Variants in SPATA17 observed in about 807,000 individuals in gnomAD.
SPATA17 encodes the protein spermatogenesis associated 17.
SPATA17 carries 53 observed loss-of-function variants against 62.2 expected under a neutral mutation model. The ratio of observed to expected loss-of-function variants is 0.85; its 90% CI spans 0.68 to 1.07. The LOEUF (loss-of-function observed/expected upper bound fraction) is 1.07. Among genes scored for constraint, SPATA17 ranks in the 50% least tolerant of loss-of-function variants. SPATA17 has a pLI of 0.00. For synonymous variants in SPATA17, 146 were observed against 146.8 expected (o/e 0.99, Z 0.04); for missense variants, 466 against 425.5 (o/e 1.10, Z -0.84).
At chr1:217,856,600 T>A (rs1242019710) in intron 9 of SPATA17, among the ~76,000 whole-genome samples, 1 of 152,190 alleles carries the variant, frequency 6.6e-6, no homozygotes, top group East Asian at 1.9e-4. Context: ...TCAGCTAAAA[T>A]TTTTTTCTCT....
chr1:217,753,745 C>G (rs1328957462), intron 6 of SPATA17, among the ~76,000 whole-genome samples: 1 of 151,804 alleles, frequency 6.6e-6, no homozygotes, highest in Non-Finnish European at 1.5e-5. Flanking sequence ...CAAATACAGT[C>G]TTAATAAAAC....
intron 5 of SPATA17, among the ~76,000 whole-genome samples, chr1:217,719,997 A>C (rs1445519149): frequency 1.3e-5 from 2 of 152,224 alleles, no homozygotes; most frequent in East Asian, 3.8e-4. Context: ...GAGTATGAGC[A>C]AAACTCACTA....
At chr1:217,825,637 G>A (rs949962483) in intron 9 of SPATA17, among the ~76,000 whole-genome samples, 1 of 151,738 alleles carries the variant, frequency 6.6e-6, no homozygotes, top group Non-Finnish European at 1.5e-5. Flanking sequence ...CCTGGTGTAT[G>A]TATGAAAGAA....
chr1:217,763,409 C>A (rs1046909453), intron 6 of SPATA17, among the ~76,000 whole-genome samples: 13 of 148,268 alleles, frequency 8.8e-5, no homozygotes, highest in African/African-American at 3.3e-4. Context: ...AAAAAAAAAA[C>A]ATTTTTGGTG....
intron 1 of SPATA17, among the ~76,000 whole-genome samples, chr1:217,635,405 A>G (rs1194856927): frequency 1.3e-5 from 2 of 152,112 alleles, no homozygotes; most frequent in African/African-American, 4.8e-5. Flanking sequence ...GGTCTTAGGT[A>G]GATTTAAAAA....
intron 5 of SPATA17, among the ~76,000 whole-genome samples, chr1:217,697,186 G>A (rs1671478943): frequency 2.0e-5 from 3 of 152,118 alleles, no homozygotes; most frequent in Admixed American, 6.6e-5. Flanking sequence ...TGTATTTTTA[G>A]TAGAGGCTGG....
chr1:217,852,607 A>T (rs76704247), intron 9 of SPATA17, among the ~76,000 whole-genome samples: 2,660 of 152,296 alleles, frequency 0.017, 77 homozygotes, highest in African/African-American at 0.06. Context: ...TCATTGCTTG[A>T]TGCTGTGGCC....
At chr1:217,841,123 CATG>C (rs1343609614) in intron 9 of SPATA17, among the ~76,000 whole-genome samples, 2 of 151,500 alleles carry the variant, frequency 1.3e-5, no homozygotes, top group African/African-American at 4.8e-5. Flanking sequence ...TTCACTTAAC[CATG>C]ATATTTACCA....
chr1:217,868,817 C>G lies in SPATA17; in HGVS notation c.*1798C>G, dbSNP rs975931742. Reference sequence around the variant, plus strand: ...ATCTCAGCCTCCCAAGTAGCTGGGACCACAGGCATGGGCCAACAAGCCTGG... The same window carrying G: ...ATCTCAGCCTCCCAAGTAGCTGGGAGCACAGGCATGGGCCAACAAGCCTGG... On this transcript the variant is annotated 3_prime_UTR_variant, in exon 11 of 11. Coordinates refer to ENST00000366933, the MANE Select transcript of SPATA17 (RefSeq NM_138796.4). The G allele has an allele frequency of 2.0e-5, 3 of 151,968 alleles. No individual in the cohort carries two copies. Among genetic ancestry groups the G allele is most frequent in the African/African-American group, 7.3e-5 (3 of 41,368 alleles). The allele number at this position is 151,968 out of a possible 1,614,324, so 9.4% of individuals were successfully genotyped here.
At chr1:217,643,791 C>T (rs12062364) in intron 1 of SPATA17, among the ~76,000 whole-genome samples, 7,773 of 151,512 alleles carry the variant, frequency 0.051, 659 homozygotes, top group African/African-American at 0.18. Context: ...TGCAATGGCA[C>T]GACCTCAGCT....
chr1:217,810,636 G>A, intron 9 of SPATA17, among the ~76,000 whole-genome samples: 1 of 151,804 alleles, frequency 6.6e-6, no homozygotes, highest in East Asian at 1.9e-4. Flanking sequence ...AAGAAAGAAA[G>A]AGGTACCTGA....
chr1:217,694,621 C>T lies in SPATA17; in HGVS notation c.395+11260C>T, dbSNP rs1238234176. Reference sequence around the variant, plus strand: ...TTTACATTTTGGCATGATTTTGCAGCGGCTGGTACCGGTTGTTCCTTTCCA... The same window carrying T: ...TTTACATTTTGGCATGATTTTGCAGTGGCTGGTACCGGTTGTTCCTTTCCA... On this transcript the variant is annotated intron_variant, in intron 5 of 10. Transcript: ENST00000366933. Among the ~76,000 whole-genome samples the T allele has an allele frequency of 3.6e-4, 53 of 148,144 alleles. No individual in the cohort carries two copies. In the East Asian group the frequency reaches 7.1e-3, roughly 20 times the overall value.
intron 9 of SPATA17, among the ~76,000 whole-genome samples, chr1:217,823,295 C>T (rs1004272293): frequency 6.6e-6 from 1 of 151,862 alleles, no homozygotes; most frequent in African/African-American, 2.4e-5. Context: ...TCTTTCCTGC[C>T]CTTTACTCAG....
intron 5 of SPATA17, among the ~76,000 whole-genome samples, chr1:217,684,053 C>A (rs564332815): frequency 6.6e-6 from 1 of 152,144 alleles, no homozygotes; most frequent in African/African-American, 2.4e-5. Context: ...GAACTTGCCT[C>A]TCCTAGAATA....
At chr1:217,822,634 CTATA>C (rs35656898) in intron 9 of SPATA17, among the ~76,000 whole-genome samples, 1 of 146,578 alleles carries the variant, frequency 6.8e-6, no homozygotes, top group Non-Finnish European at 1.5e-5. Flanking sequence ...TGATGTATAT[CTATA>C]TATATATATA....
intron 9 of SPATA17, among the ~76,000 whole-genome samples, chr1:217,852,626 T>G (rs1675691582): frequency 6.6e-6 from 1 of 152,206 alleles, no homozygotes; most frequent in South Asian, 2.1e-4. Flanking sequence ...CCCTACATTC[T>G]GCATTGCAAA....
chr1:217,765,282 A>T (rs1398122754), intron 6 of SPATA17, among the ~76,000 whole-genome samples: 1 of 150,978 alleles, frequency 6.6e-6, no homozygotes, highest in Non-Finnish European at 1.5e-5. Flanking sequence ...TTGTGCTCCA[A>T]TTTTTATTAC....
At chr1:217,784,331 G>A (rs1247641895) in intron 8 of SPATA17, among the ~76,000 whole-genome samples, 1 of 152,124 alleles carries the variant, frequency 6.6e-6, no homozygotes, top group African/African-American at 2.4e-5. Context: ...CTGCTATCTA[G>A]ACCTAGAAAG....
At chr1:217,854,437 A>G (rs1019463061) in intron 9 of SPATA17, among the ~76,000 whole-genome samples, 3 of 152,140 alleles carry the variant, frequency 2.0e-5, no homozygotes, top group African/African-American at 7.2e-5. Flanking sequence ...TCTAGGCATT[A>G]TCTTCCTCTC....
Sources: allele counts gnomAD v4.1 joint callset (sites outside exome capture counted in the v4.1 genomes callset), GRCh38; gene constraint gnomAD v4.1.1; transcripts MANE v1.5; gene names NCBI Gene and HGNC (gene_info 2026-07-23, HGNC 2026-07-21).